ASH1L: variants seen among roughly 807,000 people sequenced by gnomAD.
The protein encoded by ASH1L is histone-lysine N-methyltransferase ASH1L.
Under a neutral mutation model 269.0 loss-of-function variants are expected in ASH1L, and 23 were observed. The observed-to-expected ratio is 0.09, with a 90% CI of 0.06 to 0.12. The LOEUF (loss-of-function observed/expected upper bound fraction) is 0.12. ASH1L is among the 10% of genes least tolerant of loss of function. ASH1L has a pLI of 1.00. For synonymous variants in ASH1L, 1,187 were observed against 1,253.5 expected, an observed-to-expected ratio of 0.95 and a Z score of 1.12; for missense variants, 2,912 against 3,567.8, an observed-to-expected ratio of 0.82 and a Z score of 4.68.
chr1:155,460,554 G>A (rs1195436003), intron 3 of ASH1L, among the ~76,000 whole-genome samples: 2 of 152,210 alleles, frequency 1.3e-5, no homozygotes, highest in Non-Finnish European at 2.9e-5. Context: ...GTTGCAGTGA[G>A]CCGAGATTGC....
intron 7 of ASH1L, among the ~76,000 whole-genome samples, chr1:155,392,642 T>C (rs1343554244): frequency 6.6e-6 from 1 of 151,926 alleles, no homozygotes; most frequent in Non-Finnish European, 1.5e-5. Context: ...GCACACACCA[T>C]TATGTCCAGC....
intron 2 of ASH1L, among the ~76,000 whole-genome samples, chr1:155,500,974 A>C (rs1276550838): frequency 1.3e-5 from 2 of 152,084 alleles, no homozygotes; most frequent in African/African-American, 4.8e-5. Context: ...TCTCTAAATA[A>C]AAAGAAACTA....
At chr1:155,502,358 C>T (rs1667568833) in intron 2 of ASH1L, among the ~76,000 whole-genome samples, 1 of 152,150 alleles carries the variant, frequency 6.6e-6, no homozygotes, top group African/African-American at 2.4e-5. Flanking sequence ...GCATGAGCCA[C>T]CGCGCCCGGC....
chr1:155,473,648 C>G (rs1665292006), intron 3 of ASH1L, among the ~76,000 whole-genome samples: 2 of 151,952 alleles, frequency 1.3e-5, no homozygotes, highest in Non-Finnish European at 2.9e-5. Context: ...AGGCGTATGC[C>G]ATCATGCCCA....
At chr1:155,490,855 T>C (rs949050984) in intron 2 of ASH1L, among the ~76,000 whole-genome samples, 3 of 151,040 alleles carry the variant, frequency 2.0e-5, no homozygotes, top group Non-Finnish European at 2.9e-5. Context: ...TTCAGGTACA[T>C]GGGAGGCTGA....
intron 5 of ASH1L, among the ~76,000 whole-genome samples, chr1:155,422,821 TTG>T (rs1429079151): frequency 6.6e-6 from 1 of 151,686 alleles, no homozygotes; most frequent in African/African-American, 2.4e-5. Flanking sequence ...GGCTATTTTT[TTG>T]TGTTTTTAAT....
At chr1:155,482,632 G>T (rs1666037939) in intron 2 of ASH1L, among the ~76,000 whole-genome samples, 183 bp from the exon 3 acceptor site, 1 of 152,040 alleles carries the variant, frequency 6.6e-6, no homozygotes, top group South Asian at 2.1e-4. Context: ...TATACGAGAG[G>T]CTATCATGGT....
At position 155,354,478 on chromosome 1, in the gene ASH1L, T is replaced by C; in HGVS notation, c.7208A>G (p.Lys2403Arg). 6.2e-7 allele frequency: 1 copy of C among 1,607,000 alleles called. No individual in the cohort carries two copies. The highest frequency in any genetic ancestry group is 1.1e-5 in the South Asian group (1 of 89,050). ...AAATGTTTCAAATGCCTTACCAGAC[T>C]TGATATTCCCATCATCTCGGCAGAT... ...NGICRDDGNI[K>R]SDVFMTQFSA... is the part of the protein sequence containing the mutation. The change falls in exon 16 of 28, where the codon AAG (lysine) becomes AGG (arginine). Residue 2403 changes from lysine to arginine, a missense_variant. Coordinates refer to ENST00000392403, the MANE Select transcript of ASH1L (RefSeq NM_018489.3).
chr1:155,447,507 G>A (rs934082276), intron 4 of ASH1L, among the ~76,000 whole-genome samples: 2 of 152,078 alleles, frequency 1.3e-5, no homozygotes, highest in Admixed American at 6.6e-5. Flanking sequence ...CAGGATTACA[G>A]GAGTGAACCA....
chr1:155,484,562 T>A (rs1666168624), intron 2 of ASH1L, among the ~76,000 whole-genome samples: 1 of 152,126 alleles, frequency 6.6e-6, no homozygotes, highest in Admixed American at 6.5e-5. Context: ...AAAGTAATTA[T>A]TTTGAATTAC....
At chr1:155,475,927 A>G (rs919592456) in intron 3 of ASH1L, among the ~76,000 whole-genome samples, 1 of 152,136 alleles carries the variant, frequency 6.6e-6, no homozygotes, top group African/African-American at 2.4e-5. Flanking sequence ...TACCTCCTCT[A>G]CTATAATCTC....
At chr1:155,394,404 T>TA (rs1658188230) in intron 7 of ASH1L, among the ~76,000 whole-genome samples, 2 of 152,274 alleles carry the variant, frequency 1.3e-5, no homozygotes, top group East Asian at 3.9e-4. Context: ...TGGGTTAAGT[T>TA]AAAAAATAAT....
Position 155,347,643 on chromosome 1 carries a change from T to A in ASH1L, c.7803+13A>T. 6.2e-7 allele frequency: 1 copy of A among 1,613,214 alleles called. No homozygotes were observed. The highest frequency in any genetic ancestry group is 8.5e-7 in the Non-Finnish European group (1 of 1,179,752). On this transcript the variant is annotated intron_variant, in intron 20 of 27. Coordinates refer to ENST00000392403, the MANE Select transcript of ASH1L (RefSeq NM_018489.3). Reference sequence around the variant, plus strand: ...ATCAGGACCAAGCTTCTGCTTCATTTCCTGACCCTCACCATGCACTTGTCA... The same window carrying A: ...ATCAGGACCAAGCTTCTGCTTCATTACCTGACCCTCACCATGCACTTGTCA...
intron 12 of ASH1L, among the ~76,000 whole-genome samples, chr1:155,365,170 T>TGCAA (rs1012331017): frequency 1.3e-5 from 2 of 152,088 alleles, no homozygotes; most frequent in African/African-American, 4.8e-5. Flanking sequence ...GGAAATAGAC[T>TGCAA]GCAACACTGA....
At chr1:155,344,544 G>T (rs1653071576) in intron 21 of ASH1L, 1 of 305,288 alleles carries the variant, frequency 3.3e-6, no homozygotes, top group Non-Finnish European at 6.1e-6. Flanking sequence ...GAAAATGTGT[G>T]AAGGGAGACT....
chr1:155,487,981 G>A (rs547058845), intron 2 of ASH1L, among the ~76,000 whole-genome samples: 1 of 151,050 alleles, frequency 6.6e-6, no homozygotes, highest in Non-Finnish European at 1.5e-5. Context: ...TCCGCCTCCC[G>A]GGTCCAAGCA....
At chr1:155,431,835 G>C (rs1333393381) in intron 5 of ASH1L, among the ~76,000 whole-genome samples, 1 of 152,048 alleles carries the variant, frequency 6.6e-6, no homozygotes, top group Non-Finnish European at 1.5e-5. Context: ...AGGCTGTCTT[G>C]AACTCCTGGC....
At chr1:155,462,571 C>G (rs758866016) in intron 3 of ASH1L, among the ~76,000 whole-genome samples, 1 of 152,088 alleles carries the variant, frequency 6.6e-6, no homozygotes, top group Non-Finnish European at 1.5e-5. Context: ...TCATTATTGG[C>G]AGCATTATTG....
At chr1:155,380,280 C>CT (rs1427949890) in intron 7 of ASH1L, 164 bp from the exon 8 acceptor site, 1 of 564,746 alleles carries the variant, frequency 1.8e-6, no homozygotes, top group Non-Finnish European at 3.1e-6. Context: ...TTCTTTCCCA[C>CT]TATACTCCAC....
Sources: gnomAD v4.1 joint callset for allele counts (sites outside exome capture counted in the v4.1 genomes callset) on GRCh38, gnomAD v4.1.1 for gene constraint, MANE v1.5 for transcripts, NCBI Gene and HGNC (gene_info 2026-07-23, HGNC 2026-07-21) for gene names.